The following SLC24A2 variants were observed in gnomAD, a reference collection of about 807,000 sequenced individuals.
SLC24A2 encodes sodium/potassium/calcium exchanger 2.
In SLC24A2, 36 loss-of-function variants were observed where a neutral mutation model predicts 62.0. That is an observed-to-expected ratio of 0.58 (90% CI 0.44 to 0.77). SLC24A2 has a LOEUF of 0.77. Among genes scored for constraint, SLC24A2 ranks in the 30% least tolerant of loss-of-function variants. The pLI is 0.00. For missense variants in SLC24A2, 846 were observed against 817.9 expected (o/e 1.03, Z -0.42); for synonymous variants, 358 against 294.0 (o/e 1.22, Z -2.23).
chr9:19,524,645 C>G (rs1833354215), intron 9 of SLC24A2, among the ~76,000 whole-genome samples: 1 of 152,144 alleles, frequency 6.6e-6, no homozygotes, highest in Non-Finnish European at 1.5e-5. Flanking sequence ...GTTCAGCTGT[C>G]TGGGTGTTTT....
chr9:20,286,561 G>C, the SLC24A2 span, among the ~76,000 whole-genome samples: 4 of 152,202 alleles, frequency 2.6e-5, no homozygotes, highest in Non-Finnish European at 4.4e-5. Context: ...TCATTAGATT[G>C]CTCTATGTTA....
chr9:20,199,106 T>A, the SLC24A2 span, among the ~76,000 whole-genome samples: 1 of 152,216 alleles, frequency 6.6e-6, no homozygotes, highest in Non-Finnish European at 1.5e-5. Flanking sequence ...GCCTATTGCT[T>A]ATTAACTAAC....
chr9:19,982,161 A>C, the SLC24A2 span, among the ~76,000 whole-genome samples: 1 of 152,326 alleles, frequency 6.6e-6, no homozygotes, highest in South Asian at 2.1e-4. Flanking sequence ...TTTTCCAGAT[A>C]TACAAGATGG....
At chr9:19,991,189 A>G in the SLC24A2 span, among the ~76,000 whole-genome samples, 2 of 152,078 alleles carry the variant, frequency 1.3e-5, no homozygotes, top group East Asian at 1.9e-4. Context: ...CTCAAAAGTA[A>G]GGAAGCCGAC....
At chr9:19,534,294 C>G (rs535605298) in intron 8 of SLC24A2, among the ~76,000 whole-genome samples, 2 of 152,126 alleles carry the variant, frequency 1.3e-5, no homozygotes, top group Admixed American at 6.5e-5. Flanking sequence ...TGTGGCCATG[C>G]CTGGTTTCCT....
the SLC24A2 span, among the ~76,000 whole-genome samples, chr9:20,204,870 A>G: frequency 1.3e-5 from 2 of 151,508 alleles, no homozygotes; most frequent in African/African-American, 4.9e-5. Flanking sequence ...CAGCCTCCCG[A>G]GTAGCCTGGA....
intron 2 of SLC24A2, among the ~76,000 whole-genome samples, chr9:19,740,821 C>G (rs1821652209): frequency 6.6e-6 from 1 of 150,770 alleles, no homozygotes; most frequent in Non-Finnish European, 1.5e-5. Flanking sequence ...GTTTGTTTCA[C>G]TATTCTTTCC....
chr9:20,131,430 C>G, the SLC24A2 span, among the ~76,000 whole-genome samples: 1 of 152,064 alleles, frequency 6.6e-6, no homozygotes, highest in East Asian at 1.9e-4. Flanking sequence ...CAAGATATAC[C>G]TTGGAAAACA....
chr9:19,781,000 G>C (rs568105895), intron 2 of SLC24A2, among the ~76,000 whole-genome samples: 1 of 148,594 alleles, frequency 6.7e-6, no homozygotes, highest in Non-Finnish European at 1.5e-5. Flanking sequence ...AAAATAAATA[G>C]AAAGTATACA....
At chr9:19,518,534 G>T (rs1352381255) in intron 10 of SLC24A2, among the ~76,000 whole-genome samples, 2 of 151,042 alleles carry the variant, frequency 1.3e-5, no homozygotes, top group South Asian at 4.2e-4. Flanking sequence ...CGATTCTCCT[G>T]CCTCAGCTTC....
At chr9:20,096,942 A>T in the SLC24A2 span, among the ~76,000 whole-genome samples, 1 of 152,230 alleles carries the variant, frequency 6.6e-6, no homozygotes, top group Non-Finnish European at 1.5e-5. Context: ...AGGCAGAATG[A>T]CATGCACTGA....
At chr9:20,290,127 T>C in the SLC24A2 span, among the ~76,000 whole-genome samples, 1 of 152,006 alleles carries the variant, frequency 6.6e-6, no homozygotes, top group Non-Finnish European at 1.5e-5. Flanking sequence ...CTCGGCAGAG[T>C]GGCACTAGCT....
At chr9:20,121,047 T>A in the SLC24A2 span, among the ~76,000 whole-genome samples, 1 of 149,958 alleles carries the variant, frequency 6.7e-6, no homozygotes, top group Non-Finnish European at 1.5e-5. Flanking sequence ...TGAAATTAGG[T>A]ACTATGGCTC....
intron 8 of SLC24A2, among the ~76,000 whole-genome samples, chr9:19,546,488 A>G (rs1425822841): frequency 1.3e-5 from 2 of 152,134 alleles, no homozygotes; most frequent in Non-Finnish European, 2.9e-5. Context: ...TTACACTGTC[A>G]GGGTAAAACT....
the SLC24A2 span, among the ~76,000 whole-genome samples, chr9:19,963,578 CA>C: frequency 2.0e-5 from 3 of 152,220 alleles, no homozygotes; most frequent in African/African-American, 7.2e-5. Context: ...AGACACTTCT[CA>C]AAAGAAGACA....
At chr9:19,727,531 G>C (rs1821206462) in intron 2 of SLC24A2, among the ~76,000 whole-genome samples, 1 of 152,070 alleles carries the variant, frequency 6.6e-6, no homozygotes, top group African/African-American at 2.4e-5. Context: ...AGGGATTTTG[G>C]CCAGTTTTGT....
intron 9 of SLC24A2, among the ~76,000 whole-genome samples, chr9:19,523,390 T>C (rs1833288627): frequency 6.6e-6 from 1 of 152,186 alleles, no homozygotes; most frequent in Non-Finnish European, 1.5e-5. Flanking sequence ...GATGACTATA[T>C]GTGAGATGCA....
At chr9:20,020,414 C>T in the SLC24A2 span, among the ~76,000 whole-genome samples, 5 of 152,146 alleles carry the variant, frequency 3.3e-5, no homozygotes, top group African/African-American at 9.7e-5. Context: ...AGTTCATGTC[C>T]TTTGCAAGGA....
the SLC24A2 span, among the ~76,000 whole-genome samples, chr9:20,192,208 A>G: frequency 1.4e-4 from 21 of 152,208 alleles, no homozygotes; most frequent in Non-Finnish European, 2.4e-4. Context: ...AAAAGAAGCC[A>G]GAAGTTAATC....
Sources: gnomAD v4.1 joint callset for allele counts (sites outside exome capture counted in the v4.1 genomes callset) on GRCh38, gnomAD v4.1.1 for gene constraint, MANE v1.5 for transcripts, NCBI Gene and HGNC (gene_info 2026-07-23, HGNC 2026-07-21) for gene names.